Variants in C2orf42 observed in about 807,000 individuals in gnomAD.
The protein encoded by C2orf42 is chromosome 2 open reading frame 42.
C2orf42 carries 44 observed loss-of-function variants against 58.9 expected under a neutral mutation model. That is an observed-to-expected ratio of 0.75 (90% CI 0.59 to 0.96). C2orf42 has a LOEUF of 0.96. Among genes scored for constraint, C2orf42 ranks in the 40% least tolerant of loss-of-function variants. C2orf42 has a pLI of 0.00. For missense variants in C2orf42, 630 were observed against 699.2 expected, an observed-to-expected ratio of 0.90 and a Z score of 1.12; for synonymous variants, 239 against 265.4, an observed-to-expected ratio of 0.90 and a Z score of 0.97.
chr2:70,177,083 C>G (rs935140114), intron 4 of C2orf42, among the ~76,000 whole-genome samples: 4 of 151,838 alleles, frequency 2.6e-5, no homozygotes, highest in African/African-American at 9.7e-5. Context: ...ACCAGTCTGG[C>G]CAACATGGTG....
chr2:70,167,506 C>G (rs1673481037), intron 6 of C2orf42, among the ~76,000 whole-genome samples: 2 of 152,150 alleles, frequency 1.3e-5, no homozygotes, highest in South Asian at 4.1e-4. Flanking sequence ...TTTGGGAGGC[C>G]TAGGCAGGCG....
At chr2:70,170,951 TA>T (rs921253073) in intron 5 of C2orf42, among the ~76,000 whole-genome samples, 64 of 151,092 alleles carry the variant, frequency 4.2e-4, no homozygotes, top group African/African-American at 1.5e-3. Flanking sequence ...CCGTCTCTAC[TA>T]AAAATACAAA....
intron 8 of C2orf42, among the ~76,000 whole-genome samples, chr2:70,162,790 A>G (rs1242776752): frequency 6.6e-6 from 1 of 151,996 alleles, no homozygotes; most frequent in Non-Finnish European, 1.5e-5. Context: ...TAGCTATCAA[A>G]CAACTTATTT....
chr2:70,160,748 C>A lies in C2orf42; in HGVS notation c.1393G>T (p.Asp465Tyr). Reference protein sequence around the residue: ...EITRSFIQNRDGTYELFKCPK... With the variant: ...EITRSFIQNRYGTYELFKCPK... ...CATTTAAATAGCTCATAAGTCCCAT[C>A]TCGGTTCTGGATAAAGCTACGGGTG... Residue 465 changes from aspartate to tyrosine, a missense_variant, in exon 9 of 10, where the codon GAT becomes TAT. Coordinates refer to ENST00000264434, the MANE Select transcript of C2orf42 (RefSeq NM_017880.3). The A allele has an allele frequency of 6.2e-7, 1 of 1,611,074 alleles. No homozygotes were observed. The highest frequency in any genetic ancestry group is 8.5e-7 in the Non-Finnish European group (1 of 1,178,862).
rs548306185 is a variant in C2orf42, at chr2:70,157,732, G to T, written c.1516+2893C>A. 1.2e-3 allele frequency among the ~76,000 whole-genome samples: 186 copies of T among 152,112 alleles called. 3 individuals are homozygous for T. Among genetic ancestry groups the T allele is most frequent in the African/African-American group, 4.4e-3 (181 of 41,498 alleles). Reference sequence around the variant, plus strand: ...GAATCACTTGAACCCGGGAGGCGGAGGTTGCAGTGAGCCGAGATCGTGCCA... The same window carrying T: ...GAATCACTTGAACCCGGGAGGCGGATGTTGCAGTGAGCCGAGATCGTGCCA... On this transcript the variant is annotated intron_variant, in intron 9 of 9. Coordinates refer to ENST00000264434, the MANE Select transcript of C2orf42 (RefSeq NM_017880.3).
At chr2:70,156,986 A>G (rs1277361997) in intron 9 of C2orf42, among the ~76,000 whole-genome samples, 1 of 152,212 alleles carries the variant, frequency 6.6e-6, no homozygotes, top group Non-Finnish European at 1.5e-5. Context: ...ATAACATACA[A>G]TTTACGTTAA....
chr2:70,160,747 T>C lies in C2orf42; in HGVS notation c.1394A>G (p.Asp465Gly). 1 of 1,611,236 alleles carries C rather than the reference T, an allele frequency of 6.2e-7. No individual in the cohort carries two copies. ...GCATTTAAATAGCTCATAAGTCCCA[T>C]CTCGGTTCTGGATAAAGCTACGGGT... ...EITRSFIQNRDGTYELFKCPK... is the reference protein window; with the variant it reads ...EITRSFIQNRGGTYELFKCPK... The change falls in exon 9 of 10, where the codon GAT becomes GGT. Residue 465 changes from aspartate to glycine, a missense_variant. Physicochemically the swap from Asp to Gly is moderately conservative, Grantham distance 94. Transcript: ENST00000264434.
Position 70,181,533 on chromosome 2 carries a change from C to T in C2orf42, c.453G>A (p.Leu151=). Residue 151 remains leucine, a synonymous_variant, in exon 3 of 10, where the codon CTG becomes CTA. Coordinates refer to ENST00000264434, the MANE Select transcript of C2orf42 (RefSeq NM_017880.3). The part of the protein sequence containing the change: ...NCQAEATPLT[L]KSSVLNAMQA... ...GCATTGCATTCAGGACCGAGCTCTT[C>T]AGGGTCAGAGGGGTGGCCTCTGCCT... The T allele has an allele frequency of 1.9e-6, 3 of 1,613,718 alleles. No homozygotes were observed. The highest frequency in any genetic ancestry group is 2.5e-6 in the Non-Finnish European group (3 of 1,180,018).
chr2:70,165,688 G>T, intron 6 of C2orf42, 53 bp from the exon 7 acceptor site: 2 of 928,258 alleles, frequency 2.2e-6, no homozygotes, highest in Non-Finnish European at 3.6e-6. Context: ...TGGACTTTCT[G>T]ATGTACAGGG....
intron 9 of C2orf42, among the ~76,000 whole-genome samples, chr2:70,153,966 T>C (rs537791599): frequency 2.9e-4 from 44 of 150,858 alleles, no homozygotes; most frequent in Non-Finnish European, 5.3e-4. Flanking sequence ...GGCAGGAGAA[T>C]CGCTTGAACC....
Position 70,162,843 on chromosome 2 carries a change from T to G in C2orf42, c.1354-2056A>C, listed in dbSNP as rs572967344. Among the ~76,000 whole-genome samples, 5 of 152,282 alleles carry G rather than the reference T, an allele frequency of 3.3e-5. No individual in the cohort carries two copies. In the East Asian group the frequency reaches 9.6e-4, roughly 29 times the overall value. The stretch of plus-strand genomic sequence containing the variant: ...GAATGCCTTGCAATTAAGCTACTCT[T>G]AATGTATCAAATCACATTATGCTGA... On this transcript the variant is annotated intron_variant, in intron 8 of 9. Coordinates refer to ENST00000264434, the MANE Select transcript of C2orf42 (RefSeq NM_017880.3).
chr2:70,156,309 A>C (rs1417162060), intron 9 of C2orf42, among the ~76,000 whole-genome samples: 3 of 152,134 alleles, frequency 2.0e-5, no homozygotes, highest in African/African-American at 7.2e-5. Flanking sequence ...CTCAAAACCA[A>C]GTATATAATG....
At chr2:70,168,595 G>A (rs1206664350) in intron 6 of C2orf42, among the ~76,000 whole-genome samples, 1 of 150,794 alleles carries the variant, frequency 6.6e-6, no homozygotes, top group Non-Finnish European at 1.5e-5. Context: ...GCTGCTAATA[G>A]GATACTTTTA....
At chr2:70,173,668 G>A (rs1019443549) in intron 5 of C2orf42, among the ~76,000 whole-genome samples, 7 of 151,448 alleles carry the variant, frequency 4.6e-5, no homozygotes, top group South Asian at 4.2e-4. Flanking sequence ...CCTGTTACCC[G>A]TGCAGTGGTG....
Position 70,181,583 on chromosome 2 carries a change from GC to G in C2orf42, c.402del (p.Gln134HisfsTer7), listed in dbSNP as rs1558685044. The G allele has an allele frequency of 6.2e-7, 1 of 1,614,104 alleles. No individual in the cohort carries two copies. Among genetic ancestry groups the G allele is most frequent in the African/African-American group, 1.3e-5 (1 of 75,056 alleles). ...TGGCAGTTCACCGCCAGCTTGATGT[GC>G]TGGCACTGGTTTTCCACAACGCCTT... ...ATQGVVENQC[Q>X]HIKLAVNCQA... On this transcript the variant is annotated frameshift_variant, in exon 3 of 10. Coordinates refer to ENST00000264434, the MANE Select transcript of C2orf42 (RefSeq NM_017880.3). LOFTEE classifies it high-confidence loss of function.
chr2:70,170,122 A>G (rs546824910), intron 5 of C2orf42, among the ~76,000 whole-genome samples: 2 of 151,808 alleles, frequency 1.3e-5, no homozygotes, highest in Admixed American at 6.6e-5. Flanking sequence ...CCTAGGCTCA[A>G]GCAATCCACC....
intron 8 of C2orf42, 72 bp downstream of exon 8, chr2:70,165,020 A>G: frequency 1.4e-6 from 1 of 728,602 alleles, no homozygotes; most frequent in Non-Finnish European, 2.3e-6. Flanking sequence ...AACCAGTGCA[A>G]ATATAGTCCC....
intron 1 of C2orf42, among the ~76,000 whole-genome samples, chr2:70,185,771 A>G (rs1205724922): frequency 6.7e-6 from 1 of 150,232 alleles, no homozygotes; most frequent in Non-Finnish European, 1.5e-5. Context: ...ACATATATAC[A>G]CACATATATA....
chr2:70,162,345 T>G (rs1673105720), intron 8 of C2orf42, among the ~76,000 whole-genome samples: 1 of 151,202 alleles, frequency 6.6e-6, no homozygotes, highest in East Asian at 2.0e-4. Context: ...TTTTATTTTT[T>G]TAAGAGTAGG....
Sources: gnomAD v4.1 joint callset for allele counts (sites outside exome capture counted in the v4.1 genomes callset) on GRCh38, gnomAD v4.1.1 for gene constraint, MANE v1.5 for transcripts, NCBI Gene and HGNC (gene_info 2026-07-23, HGNC 2026-07-21) for gene names.